The following PLXDC2 variants were observed in gnomAD, a reference collection of about 807,000 sequenced individuals.
The protein encoded by PLXDC2 is plexin domain-containing protein 2.
A neutral mutation model predicts 68.9 loss-of-function variants in PLXDC2; 40 were observed. The observed-to-expected ratio is 0.58, with a 90% confidence interval of 0.45 to 0.76. The LOEUF (loss-of-function observed/expected upper bound fraction) is 0.76, where lower values mean the gene tolerates loss of function less well. PLXDC2 is among the 30% of genes least tolerant of loss of function. PLXDC2 has a pLI of 0.00. For synonymous variants in PLXDC2, 243 were observed against 234.2 expected (o/e 1.04, Z -0.34); for missense variants, 644 against 661.9 (o/e 0.97, Z 0.30).
At chr10:20,209,276 C>G (rs1458709114) in intron 9 of PLXDC2, among the ~76,000 whole-genome samples, 3 of 152,030 alleles carry the variant, frequency 2.0e-5, no homozygotes, top group African/African-American at 7.2e-5. Context: ...GCGGCCATTT[C>G]AGAGGCCTAC....
chr10:20,079,876 A>T (rs892228676), intron 4 of PLXDC2, among the ~76,000 whole-genome samples: 3 of 152,274 alleles, frequency 2.0e-5, no homozygotes, highest in African/African-American at 7.2e-5. Flanking sequence ...GGTGCAGCAA[A>T]CCACCATGGC....
chr10:20,155,039 T>C (rs1834200235), intron 6 of PLXDC2, among the ~76,000 whole-genome samples: 2 of 152,302 alleles, frequency 1.3e-5, no homozygotes, highest in Non-Finnish European at 2.9e-5. Flanking sequence ...GTAAAATCAC[T>C]TTTTAATCTA....
intron 1 of PLXDC2, among the ~76,000 whole-genome samples, chr10:19,920,716 C>G (rs565486125): frequency 9.9e-4 from 150 of 152,146 alleles, no homozygotes; most frequent in African/African-American, 2.7e-3. Context: ...CACCATCACA[C>G]CTAGATAATT....
intron 4 of PLXDC2, among the ~76,000 whole-genome samples, chr10:20,113,883 TG>T (rs372012583): frequency 8.5e-5 from 13 of 152,252 alleles, no homozygotes; most frequent in African/African-American, 2.6e-4. Context: ...CCCAGCACTT[TG>T]GGAGGCTGAG....
rs935049695 is a variant in PLXDC2, at chr10:20,185,174, A to C, written c.1061+7765A>C. On this transcript the variant is annotated intron_variant, in intron 9 of 13. Transcript: ENST00000377252. ...AGAACTGAAAGGAAAAAAAAAAAAA[A>C]AAAAAAAAAAAAACTATGGGTATTT... 3.9e-4 allele frequency among the ~76,000 whole-genome samples: 59 copies of C among 151,070 alleles called. 1 individual carries two copies. The highest frequency in any genetic ancestry group is 1.5e-3 in the Admixed American group (22 of 15,120).
At chr10:19,850,976 C>A (rs1330007317) in intron 1 of PLXDC2, among the ~76,000 whole-genome samples, 3 of 152,054 alleles carry the variant, frequency 2.0e-5, no homozygotes, top group Non-Finnish European at 4.4e-5. Context: ...AGGTATGTAA[C>A]CCCAGAAGAT....
chr10:20,140,795 C>A (rs1475831751), intron 4 of PLXDC2, among the ~76,000 whole-genome samples: 1 of 151,754 alleles, frequency 6.6e-6, no homozygotes, highest in Admixed American at 6.6e-5. Context: ...CCAAGAAAAA[C>A]AAACAATATT....
chr10:20,207,403 T>C (rs1363375384), intron 9 of PLXDC2, among the ~76,000 whole-genome samples: 1 of 152,204 alleles, frequency 6.6e-6, no homozygotes, highest in East Asian at 1.9e-4. Flanking sequence ...AAATTTAAGA[T>C]TTGGCACCGT....
At chr10:20,022,982 C>T (rs1835338047) in intron 2 of PLXDC2, among the ~76,000 whole-genome samples, 1 of 151,638 alleles carries the variant, frequency 6.6e-6, no homozygotes, top group Non-Finnish European at 1.5e-5. Context: ...GGGAGACAAA[C>T]ACTGTGGCAG....
At chr10:19,877,988 G>T (rs1307025552) in intron 1 of PLXDC2, among the ~76,000 whole-genome samples, 2 of 152,176 alleles carry the variant, frequency 1.3e-5, no homozygotes, top group Non-Finnish European at 2.9e-5. Context: ...GTCCCATAAT[G>T]ATCAACCCTG....
At position 20,284,405 on chromosome 10, in the gene PLXDC2, TTA is replaced by T. The variant is rs1040161249; in HGVS notation, c.*4588_*4589del. 1.1e-5 allele frequency: 1 copy of T among 91,526 alleles called. No individual in the cohort carries two copies. Among genetic ancestry groups the T allele is most frequent in the Admixed American group, 1.2e-4 (1 of 8,234 alleles). The allele number at this position is 91,526 out of a possible 1,614,324, so 5.7% of individuals were successfully genotyped here. On this transcript the variant is annotated 3_prime_UTR_variant, in exon 14 of 14. Transcript: ENST00000377252. ...GTATATTTGATAGAGATGATAGCAATTATGTGTGTGTGTGTGTGTGTGTGTGT... is the reference window on the plus strand; with the variant it reads ...GTATATTTGATAGAGATGATAGCAATTGTGTGTGTGTGTGTGTGTGTGTGT...
rs115680426 is a variant in PLXDC2, at chr10:19,993,799, G to A, written c.113-7976G>A. 4.8e-3 allele frequency among the ~76,000 whole-genome samples: 729 copies of A among 152,198 alleles called. 5 individuals carry two copies. Among genetic ancestry groups the A allele is most frequent in the African/African-American group, 0.017 (687 of 41,510 alleles). ...GTTTTATATATATATTTTTTAAATT[G>A]CCAAATGTTTTTCACCAAAACATTA... On this transcript the variant is annotated intron_variant, in intron 1 of 13. Coordinates refer to ENST00000377252, the MANE Select transcript of PLXDC2 (RefSeq NM_032812.9).
At chr10:20,055,677 C>T (rs1000204966) in intron 3 of PLXDC2, among the ~76,000 whole-genome samples, 2 of 151,986 alleles carry the variant, frequency 1.3e-5, no homozygotes, top group African/African-American at 4.8e-5. Context: ...CTTGTCTTTG[C>T]TTGTAGGATT....
In PLXDC2 at chr10:20,095,936, T is replaced by C. The variant is rs149917033; in HGVS notation, c.541+27697T>C. 2.4e-3 allele frequency among the ~76,000 whole-genome samples: 373 copies of C among 152,324 alleles called. 3 individuals carry two copies. The highest frequency in any genetic ancestry group is 8.6e-3 in the African/African-American group (359 of 41,594). ...ATGTTGGGTTAAATGCAAATAAATATTTCTCTTCTAAGATGTTTCAGTTTT... is the reference window on the plus strand; with the variant it reads ...ATGTTGGGTTAAATGCAAATAAATACTTCTCTTCTAAGATGTTTCAGTTTT... On this transcript the variant is annotated intron_variant, in intron 4 of 13. Transcript: ENST00000377252.
chr10:20,238,483 C>G (rs1016201459), intron 12 of PLXDC2, among the ~76,000 whole-genome samples: 2 of 150,064 alleles, frequency 1.3e-5, no homozygotes, highest in Admixed American at 6.7e-5. Context: ...CCCGTCTCTA[C>G]TAAAAACACA....
At chr10:19,829,529 C>T (rs551801402) in intron 1 of PLXDC2, among the ~76,000 whole-genome samples, 8 of 152,178 alleles carry the variant, frequency 5.3e-5, no homozygotes, top group African/African-American at 1.7e-4. Flanking sequence ...CACGGGGGCT[C>T]ATGCCTATAA....
intron 4 of PLXDC2, among the ~76,000 whole-genome samples, chr10:20,128,724 G>T (rs1833826180): frequency 6.6e-6 from 1 of 152,018 alleles, no homozygotes; most frequent in African/African-American, 2.4e-5. Context: ...TAACTTTTTT[G>T]ATTCTACATA....
intron 1 of PLXDC2, among the ~76,000 whole-genome samples, chr10:19,963,325 G>A (rs565456931): frequency 1.1e-4 from 16 of 152,296 alleles, no homozygotes; most frequent in African/African-American, 3.9e-4. Context: ...GATGGAAAAT[G>A]TCCAAAGAGA....
intron 1 of PLXDC2, among the ~76,000 whole-genome samples, chr10:19,906,274 A>C (rs1833156055): frequency 6.6e-6 from 1 of 152,154 alleles, no homozygotes; most frequent in Non-Finnish European, 1.5e-5. Context: ...ATTGGCACTG[A>C]GTGATAGTTT....
Sources: gnomAD v4.1 joint callset for allele counts (sites outside exome capture counted in the v4.1 genomes callset) on GRCh38, gnomAD v4.1.1 for gene constraint, MANE v1.5 for transcripts, NCBI Gene and HGNC (gene_info 2026-07-23, HGNC 2026-07-21) for gene names.